The following SLC44A5 variants were observed in gnomAD, a reference collection of about 807,000 sequenced individuals.
SLC44A5 encodes solute carrier family 44 member 5.
Under a neutral mutation model 101.8 loss-of-function variants are expected in SLC44A5, and 57 were observed. That is an observed-to-expected ratio of 0.56 (90% CI 0.45 to 0.70). SLC44A5 has a LOEUF of 0.70. Ranked by LOEUF, SLC44A5 falls within the 30% of genes least tolerant of loss-of-function variation. The pLI, the probability that SLC44A5 is intolerant of heterozygous loss-of-function variation, is 0.00. For missense variants in SLC44A5, 737 were observed against 853.1 expected (o/e 0.86, Z 1.70); for synonymous variants, 281 against 290.9 (o/e 0.97, Z 0.35).
intron 4 of SLC44A5, among the ~76,000 whole-genome samples, chr1:75,332,944 A>G (rs1015829822): frequency 6.6e-6 from 1 of 152,132 alleles, no homozygotes; most frequent in South Asian, 2.1e-4. Flanking sequence ...CCGTTCTCAT[A>G]TTTGCTTCTT....
At chr1:75,524,908 G>T (rs1670331458) in intron 2 of SLC44A5, among the ~76,000 whole-genome samples, 1 of 151,986 alleles carries the variant, frequency 6.6e-6, no homozygotes, top group African/African-American at 2.4e-5. Context: ...TACAGCTGAT[G>T]ATTTTGGTTT....
At chr1:75,495,699 AAAG>A (rs1668634347) in intron 2 of SLC44A5, among the ~76,000 whole-genome samples, 1 of 152,106 alleles carries the variant, frequency 6.6e-6, no homozygotes, top group Non-Finnish European at 1.5e-5. Flanking sequence ...AAAAAAGCAA[AAAG>A]AAAAAAATGA....
the SLC44A5 span, among the ~76,000 whole-genome samples, chr1:75,663,187 T>C: frequency 2.0e-5 from 3 of 152,164 alleles, no homozygotes; most frequent in African/African-American, 7.2e-5. Flanking sequence ...TCAAAATCCA[T>C]GTTGAAATCT....
At chr1:75,289,016 C>T (rs1261596038) in intron 5 of SLC44A5, among the ~76,000 whole-genome samples, 1 of 152,130 alleles carries the variant, frequency 6.6e-6, no homozygotes, top group African/African-American at 2.4e-5. Context: ...TAAAGACACA[C>T]GTGTGCTAAT....
chr1:75,659,493 G>A, the SLC44A5 span, among the ~76,000 whole-genome samples: 8 of 108,982 alleles, frequency 7.3e-5, no homozygotes, highest in Non-Finnish European at 1.3e-4. Flanking sequence ...AGGAAGGAAG[G>A]CAGGCAGGCA....
intron 13 of SLC44A5, 134 bp from the exon 14 acceptor site, chr1:75,222,594 T>C: frequency 1.8e-6 from 1 of 564,102 alleles, no homozygotes; most frequent in Non-Finnish European, 3.1e-6. Context: ...AAGTGTTATC[T>C]CTCCAAAAAT....
chr1:75,667,950 C>T, the SLC44A5 span, among the ~76,000 whole-genome samples: 2 of 152,214 alleles, frequency 1.3e-5, no homozygotes, highest in Non-Finnish European at 2.9e-5. Flanking sequence ...AGATAGCAAG[C>T]ATGCTCCCAG....
chr1:75,550,421 G>A (rs560616080), intron 1 of SLC44A5, among the ~76,000 whole-genome samples: 20 of 152,160 alleles, frequency 1.3e-4, no homozygotes, highest in African/African-American at 2.4e-4. Context: ...CTTAATGGAT[G>A]AGGGTTTCTT....
At chr1:75,627,457 C>G in the SLC44A5 span, among the ~76,000 whole-genome samples, 1 of 152,012 alleles carries the variant, frequency 6.6e-6, no homozygotes, top group African/African-American at 2.4e-5. Flanking sequence ...GTGGGAGGAT[C>G]ATTTGAGGCC....
At chr1:75,338,184 G>A (rs1238675885) in intron 4 of SLC44A5, among the ~76,000 whole-genome samples, 2 of 152,164 alleles carry the variant, frequency 1.3e-5, no homozygotes, top group African/African-American at 4.8e-5. Flanking sequence ...AGGTCTTTGT[G>A]GTGCCGGAGG....
At chr1:75,548,766 T>C (rs571304577) in intron 1 of SLC44A5, among the ~76,000 whole-genome samples, 1 of 152,270 alleles carries the variant, frequency 6.6e-6, no homozygotes, top group South Asian at 2.1e-4. Context: ...TTGGTGGTCA[T>C]ATTCAGCCCA....
intron 2 of SLC44A5, among the ~76,000 whole-genome samples, chr1:75,482,083 T>C (rs1254063205): frequency 2.6e-5 from 4 of 152,050 alleles, no homozygotes; most frequent in East Asian, 3.9e-4. Context: ...TGGAATACTA[T>C]GCAGCCATAA....
chr1:75,223,962 G>C (rs545860336), intron 13 of SLC44A5, among the ~76,000 whole-genome samples: 2 of 152,124 alleles, frequency 1.3e-5, no homozygotes, highest in African/African-American at 4.8e-5. Flanking sequence ...TTATGACATT[G>C]CACCGTTAAA....
chr1:75,342,625 G>T (rs980748499), intron 3 of SLC44A5, among the ~76,000 whole-genome samples: 1 of 152,100 alleles, frequency 6.6e-6, no homozygotes, highest in Admixed American at 6.6e-5. Context: ...TGAGTAAGGA[G>T]AAGACAGGTT....
intron 2 of SLC44A5, among the ~76,000 whole-genome samples, chr1:75,449,200 A>T (rs1665755996): frequency 6.6e-6 from 1 of 152,180 alleles, no homozygotes; most frequent in Middle Eastern, 3.4e-3. Context: ...TATTTTTGTG[A>T]TTATTTGAGC....
rs377204577 is a variant in SLC44A5 at position 75,458,217 on chromosome 1, G to A, written c.14-61596C>T. Among the ~76,000 whole-genome samples the A allele has an allele frequency of 2.0e-5, 3 of 152,170 alleles. No homozygotes were observed. The East Asian group carries it at 5.8e-4, about 29-fold the overall frequency. ...CCAGTAAATATTTTTACAAGTGCAG[G>A]CTTGGAGGTGATAAATGGCATGTTG... On this transcript the variant is annotated intron_variant, in intron 2 of 23. Coordinates refer to ENST00000370859, the MANE Select transcript of SLC44A5 (RefSeq NM_001130058.2).
At chr1:75,703,071 A>T in the SLC44A5 span, among the ~76,000 whole-genome samples, 1 of 150,778 alleles carries the variant, frequency 6.6e-6, no homozygotes, top group Non-Finnish European at 1.5e-5. Flanking sequence ...GGGACTGTAA[A>T]CTAGTTCAAC....
chr1:75,219,227 T>C (rs1264425123), intron 16 of SLC44A5, 30 bp downstream of exon 16: 3 of 1,404,162 alleles, frequency 2.1e-6, no homozygotes, highest in African/African-American at 2.8e-5. Context: ...TATATTGAAG[T>C]AAGTAAATGA....
chr1:75,241,175 G>C (rs1218511450), intron 9 of SLC44A5, among the ~76,000 whole-genome samples: 1 of 151,170 alleles, frequency 6.6e-6, no homozygotes, highest in Non-Finnish European at 1.5e-5. Context: ...TTTGTAATTA[G>C]GATTATATCC....
Sources: allele counts gnomAD v4.1 joint callset (sites outside exome capture counted in the v4.1 genomes callset), GRCh38; gene constraint gnomAD v4.1.1; transcripts MANE v1.5; gene names NCBI Gene and HGNC (gene_info 2026-07-23, HGNC 2026-07-21).